MAP3K8: variants seen among roughly 807,000 people sequenced by gnomAD.
MAP3K8 encodes Ewing sarcoma transformant.
In MAP3K8, 22 loss-of-function variants were observed where a neutral mutation model predicts 45.8. The ratio of observed to expected loss-of-function variants is 0.48; its 90% CI spans 0.34 to 0.69. The LOEUF is 0.69. Ranked by LOEUF, MAP3K8 falls within the 30% of genes least tolerant of loss-of-function variation. The pLI is 0.01. For missense variants in MAP3K8, 419 were observed against 585.0 expected, an observed-to-expected ratio of 0.72 and a Z score of 2.93; for synonymous variants, 223 against 214.3, an observed-to-expected ratio of 1.04 and a Z score of -0.36.
intron 6 of MAP3K8, among the ~76,000 whole-genome samples, chr10:30,453,233 A>G (rs559449058): frequency 2.0e-5 from 3 of 152,214 alleles, no homozygotes; most frequent in African/African-American, 7.2e-5. Flanking sequence ...ACTTTAAAAA[A>G]TTATAATATT....
chr10:30,448,716 G>T (rs570196911), intron 4 of MAP3K8, among the ~76,000 whole-genome samples: 120 of 152,162 alleles, frequency 7.9e-4, no homozygotes, highest in African/African-American at 2.8e-3. Context: ...ACAGGCATAA[G>T]CCACCGCGCC....
At chr10:30,446,417 C>A (rs1420078448) in intron 3 of MAP3K8, among the ~76,000 whole-genome samples, 1 of 151,946 alleles carries the variant, frequency 6.6e-6, no homozygotes, top group Non-Finnish European at 1.5e-5. Context: ...TACCTATAAT[C>A]CCAGCTACTC....
At position 30,450,538 on chromosome 10, in the gene MAP3K8, A is replaced by G; in HGVS notation, c.766+19A>G. 1 of 1,612,700 alleles carries G rather than the reference A, an allele frequency of 6.2e-7. No individual in the cohort carries two copies. Among genetic ancestry groups the G allele is most frequent in the South Asian group, 1.1e-5 (1 of 91,010 alleles). On this transcript the variant is annotated intron_variant, in intron 5 of 8. Coordinates refer to ENST00000263056, the MANE Select transcript of MAP3K8 (RefSeq NM_005204.4). ...ATTAAACGTAAGTATCTTTGGACATATACCTTTTTGGCTCAAAGAGACTAG... is the reference window on the plus strand; with the variant it reads ...ATTAAACGTAAGTATCTTTGGACATGTACCTTTTTGGCTCAAAGAGACTAG...
chr10:30,460,913 CTGT>C lies in MAP3K8; in HGVS notation c.*78_*80del. ...GTTCTGCTGCCTCTACACAGGGGCC[CTGT>C]ACAGTGAATGGTGCCATTTTCGAAG... On this transcript the variant is annotated 3_prime_UTR_variant, in exon 9 of 9. Coordinates refer to ENST00000263056, the MANE Select transcript of MAP3K8 (RefSeq NM_005204.4). 1 of 1,543,986 alleles carries C rather than the reference CTGT, an allele frequency of 6.5e-7. No homozygotes were observed. Among genetic ancestry groups the C allele is most frequent in the East Asian group, 2.3e-5 (1 of 42,968 alleles).
intron 7 of MAP3K8, 66 bp from the exon 8 acceptor site, chr10:30,459,189 G>A: frequency 6.3e-7 from 1 of 1,581,092 alleles, no homozygotes; most frequent in East Asian, 2.2e-5. Context: ...CCTGGTACTA[G>A]CATGCTTTTG....
rs116454654 is a variant in MAP3K8 at position 30,456,590 on chromosome 10, G to A, written c.874-1494G>A. Among the ~76,000 whole-genome samples the A allele has an allele frequency of 7.4e-3, 1,131 of 152,210 alleles. 6 individuals carry two copies. Among genetic ancestry groups the A allele is most frequent in the African/African-American group, 0.025 (1,034 of 41,496 alleles). On this transcript the variant is annotated intron_variant, in intron 6 of 8. Coordinates refer to ENST00000263056, the MANE Select transcript of MAP3K8 (RefSeq NM_005204.4). ...AGACAGTGTACAAGCTGTTTCAAGC[G>A]AAATACTGATAATCAGGATATTAAC...
chr10:30,435,654 G>A (rs767506025), intron 1 of MAP3K8, among the ~76,000 whole-genome samples: 1 of 152,290 alleles, frequency 6.6e-6, no homozygotes, highest in African/African-American at 2.4e-5. Flanking sequence ...CCGGGTTCAA[G>A]CGATTCTCTT....
chr10:30,435,541 T>C (rs1835883998), intron 1 of MAP3K8, among the ~76,000 whole-genome samples: 1 of 150,902 alleles, frequency 6.6e-6, no homozygotes, highest in Non-Finnish European at 1.5e-5. Context: ...CATATGTATA[T>C]ATGTATATAT....
chr10:30,442,004 T>G (rs1357953922), intron 3 of MAP3K8, among the ~76,000 whole-genome samples: 1 of 152,220 alleles, frequency 6.6e-6, no homozygotes, highest in Non-Finnish European at 1.5e-5. Flanking sequence ...GGTTCCTAGG[T>G]AAAATCCATC....
rs139316352 is a variant in MAP3K8 at position 30,460,771 on chromosome 10, G to A, written c.1339G>A (p.Asp447Asn). Residue 447 changes from aspartate (D) to asparagine (N), a missense_variant, in exon 9 of 9, where the codon GAC (aspartate) becomes AAC (asparagine). Physicochemically the swap from Asp to Asn is conservative, Grantham distance 23. Transcript: ENST00000263056. Reference protein sequence around the residue: ...MLKRQRSLYIDLGALAGYFNL... With the variant: ...MLKRQRSLYINLGALAGYFNL... ...CAAGAGGCAACGCTCTCTCTACATC[G>A]ACCTCGGCGCTCTGGCTGGCTACTT... 728 of 1,613,958 alleles carry A rather than the reference G, an allele frequency of 4.5e-4. 3 individuals are homozygous for A. The highest frequency in any genetic ancestry group is 1.6e-3 in the Admixed American group (95 of 60,024).
intron 2 of MAP3K8, 183 bp from the exon 3 acceptor site, chr10:30,438,733 A>G (rs1564363336): frequency 2.0e-6 from 1 of 499,410 alleles, no homozygotes; most frequent in South Asian, 2.5e-5. Context: ...ACTAAAGGTT[A>G]TCTTAGGTCC....
At chr10:30,448,093 T>C in intron 4 of MAP3K8, 144 bp downstream of exon 4, 1 of 705,228 alleles carries the variant, frequency 1.4e-6, no homozygotes. Context: ...TTTGTTTTTC[T>C]GAATTTATTG....
chr10:30,457,918 T>C (rs1189148279), intron 6 of MAP3K8, among the ~76,000 whole-genome samples, 166 bp from the exon 7 acceptor site: 1 of 152,154 alleles, frequency 6.6e-6, no homozygotes, highest in Non-Finnish European at 1.5e-5. Flanking sequence ...GTGTTCTTCA[T>C]CAGACTGCAG....
chr10:30,440,838 G>A (rs966238080), intron 3 of MAP3K8, among the ~76,000 whole-genome samples: 2 of 150,814 alleles, frequency 1.3e-5, no homozygotes, highest in African/African-American at 4.9e-5. Flanking sequence ...ATAAAAATGA[G>A]TATTTTAAAT....
chr10:30,440,735 C>T (rs533959001), intron 3 of MAP3K8, among the ~76,000 whole-genome samples: 21 of 151,488 alleles, frequency 1.4e-4, no homozygotes, highest in African/African-American at 4.6e-4. Context: ...ATGTCTATAC[C>T]GAGAAATATA....
In MAP3K8 at chr10:30,452,716, C is replaced by T. The variant is rs150224336; in HGVS notation, c.873+972C>T. Among the ~76,000 whole-genome samples, 672 of 152,220 alleles carry T rather than the reference C, an allele frequency of 4.4e-3. 3 individuals carry two copies. The highest frequency in any genetic ancestry group is 0.01 in the Middle Eastern group (3 of 294). On this transcript the variant is annotated intron_variant, in intron 6 of 8. Coordinates refer to ENST00000263056, the MANE Select transcript of MAP3K8 (RefSeq NM_005204.4). ...TTGTTTTTGAGACAGAGTCTTGCTC[C>T]ATCGCCCAGGCTGTAGGACAGTGGC...
At chr10:30,453,902 G>A (rs1484092923) in intron 6 of MAP3K8, among the ~76,000 whole-genome samples, 15 of 98,098 alleles carry the variant, frequency 1.5e-4, no homozygotes, top group Non-Finnish European at 3.1e-4. Context: ...AAGGAAGGGA[G>A]GGAGGGAGAG....
chr10:30,444,385 C>T (rs987230548), intron 3 of MAP3K8, among the ~76,000 whole-genome samples: 7 of 152,238 alleles, frequency 4.6e-5, no homozygotes, highest in Admixed American at 3.9e-4. Flanking sequence ...ATCGCTTGAA[C>T]TCAGGAGGCA....
chr10:30,448,247 G>A (rs1310903996), intron 4 of MAP3K8, among the ~76,000 whole-genome samples: 1 of 152,084 alleles, frequency 6.6e-6, no homozygotes, highest in East Asian at 1.9e-4. Flanking sequence ...GTAGAGAAGA[G>A]CCATCCTGCA....
Sources: allele counts gnomAD v4.1 joint callset (sites outside exome capture counted in the v4.1 genomes callset), GRCh38; gene constraint gnomAD v4.1.1; transcripts MANE v1.5; gene names NCBI Gene and HGNC (gene_info 2026-07-23, HGNC 2026-07-21).